The following ZNF578 variants were observed in gnomAD, a reference collection of about 807,000 sequenced individuals.
The protein encoded by ZNF578 is Putative chemokine-related protein B42.
Under a neutral mutation model 8.3 loss-of-function variants are expected in ZNF578, and 8 were observed. The ratio of observed to expected loss-of-function variants is 0.96; its 90% CI spans 0.56 to 1.74. The LOEUF is 1.74. ZNF578 is among the 40% of genes most tolerant of loss of function. The pLI is 0.00. For synonymous variants in ZNF578, 206 were observed against 232.2 expected (o/e 0.89, Z 1.03); for missense variants, 726 against 707.5 (o/e 1.03, Z -0.30).
intron 3 of ZNF578, among the ~76,000 whole-genome samples, chr19:52,496,485 G>A (rs992059973): frequency 4.6e-4 from 66 of 143,804 alleles, no homozygotes; most frequent in Non-Finnish European, 7.6e-4. Context: ...GCCCGCCACC[G>A]CGCCCAGCTA....
chr19:52,462,295 C>A (rs1266581140), intron 2 of ZNF578, among the ~76,000 whole-genome samples: 2 of 152,136 alleles, frequency 1.3e-5, no homozygotes, highest in Non-Finnish European at 2.9e-5. Flanking sequence ...TTGTTGATAG[C>A]CTTTTAGGCA....
chr19:52,479,136 C>A (rs999194257), intron 2 of ZNF578, among the ~76,000 whole-genome samples: 1 of 152,160 alleles, frequency 6.6e-6, no homozygotes, highest in Non-Finnish European at 1.5e-5. Flanking sequence ...TAATGTCTGA[C>A]AACTAACCTG....
intron 2 of ZNF578, among the ~76,000 whole-genome samples, chr19:52,489,377 G>A (rs559948416): frequency 2.2e-4 from 33 of 152,148 alleles, no homozygotes; most frequent in South Asian, 2.1e-3. Flanking sequence ...ATCACCTGAC[G>A]TCGGGGGTTG....
intron 2 of ZNF578, among the ~76,000 whole-genome samples, chr19:52,489,433 A>G (rs1461691052): frequency 6.6e-6 from 1 of 150,720 alleles, no homozygotes; most frequent in Non-Finnish European, 1.5e-5. Flanking sequence ...CTATAAAACT[A>G]CAAAATTAGC....
chr19:52,460,565 T>C (rs1007695396), intron 2 of ZNF578, among the ~76,000 whole-genome samples: 6 of 152,222 alleles, frequency 3.9e-5, no homozygotes, highest in Non-Finnish European at 8.8e-5. Context: ...GATATGTGAT[T>C]TGCAACTCTT....
At chr19:52,507,258 T>C (rs1384999494) in intron 5 of ZNF578, among the ~76,000 whole-genome samples, 1 of 152,150 alleles carries the variant, frequency 6.6e-6, no homozygotes, top group African/African-American at 2.4e-5. Context: ...CATGTTGGTA[T>C]GCACCTGTAA....
At chr19:52,503,464 A>G (rs10418653) in intron 4 of ZNF578, among the ~76,000 whole-genome samples, 28,996 of 151,764 alleles carry the variant, frequency 0.19, 2,970 homozygotes, top group Non-Finnish European at 0.23. Context: ...TTTTGCCTCA[A>G]CCTCTGGAGT....
intron 2 of ZNF578, among the ~76,000 whole-genome samples, chr19:52,466,619 A>G (rs1486094484): frequency 1.3e-5 from 2 of 152,244 alleles, no homozygotes; most frequent in Non-Finnish European, 2.9e-5. Flanking sequence ...GCTGAAATGG[A>G]CACAAACAAA....
chr19:52,491,840 A>G (rs982365308), intron 3 of ZNF578, among the ~76,000 whole-genome samples: 1 of 152,152 alleles, frequency 6.6e-6, no homozygotes, highest in African/African-American at 2.4e-5. Context: ...TACACCATGA[A>G]AAATTTTATT....
intron 3 of ZNF578, among the ~76,000 whole-genome samples, chr19:52,492,189 A>G (rs956532258): frequency 1.7e-5 from 2 of 121,022 alleles, no homozygotes; most frequent in Non-Finnish European, 3.5e-5. Flanking sequence ...AAAAAAAAAA[A>G]AGGGAGGGAG....
At chr19:52,504,451 C>A (rs112083889) in intron 4 of ZNF578, among the ~76,000 whole-genome samples, 1 of 151,868 alleles carries the variant, frequency 6.6e-6, no homozygotes, top group East Asian at 1.9e-4. Flanking sequence ...ACTTCCATAG[C>A]GACTTATGGG....
intron 3 of ZNF578, among the ~76,000 whole-genome samples, chr19:52,500,300 C>T (rs1353003326): frequency 1.3e-5 from 2 of 151,922 alleles, no homozygotes; most frequent in Non-Finnish European, 2.9e-5. Context: ...TTGGTTTGGT[C>T]TGGGAAGGTG....
At chr19:52,491,129 A>G (rs1599901176) in intron 2 of ZNF578, among the ~76,000 whole-genome samples, 195 bp from the exon 3 acceptor site, 1 of 152,204 alleles carries the variant, frequency 6.6e-6, no homozygotes, top group African/African-American at 2.4e-5. Context: ...ACAGGCTTCC[A>G]TAGAAATGAT....
At chr19:52,507,217 A>T (rs2059428457) in intron 5 of ZNF578, among the ~76,000 whole-genome samples, 1 of 152,146 alleles carries the variant, frequency 6.6e-6, no homozygotes, top group Non-Finnish European at 1.5e-5. Context: ...GTGAAACCCC[A>T]TATCTAGTAA....
intron 2 of ZNF578, among the ~76,000 whole-genome samples, chr19:52,479,819 T>C (rs2059319860): frequency 6.6e-6 from 1 of 152,196 alleles, no homozygotes; most frequent in Non-Finnish European, 1.5e-5. Context: ...TGTGAAAATA[T>C]TTTTTCCAGA....
rs762441015 is a variant in ZNF578 at position 52,512,147 on chromosome 19, C to T, written c.1766C>T (p.Ser589Leu). ...GATTCATCAATCAAGCCTTGCATGT[C>T]ATCATAGACTTCATACTGGAGAGAA... ...LIDSSIKPCM[S>L]S Residue 589 changes from serine (S) to leucine (L), a missense_variant, in exon 6 of 6, where the codon TCA becomes TTA. By Grantham distance (145) the Ser-to-Leu change is moderately radical. Transcript: ENST00000421239. 6.2e-7 allele frequency: 1 copy of T among 1,613,780 alleles called. No individual in the cohort carries two copies. Among genetic ancestry groups the T allele is most frequent in the Non-Finnish European group, 8.5e-7 (1 of 1,179,862 alleles).
intron 2 of ZNF578, chr19:52,474,956 G>T: frequency 5.1e-6 from 1 of 197,450 alleles, no homozygotes. Context: ...TAAAGACTTT[G>T]CCACATTCCA....
chr19:52,494,497 A>C (rs977229779), intron 3 of ZNF578, among the ~76,000 whole-genome samples: 1 of 152,230 alleles, frequency 6.6e-6, no homozygotes, highest in East Asian at 1.9e-4. Flanking sequence ...ACCCTGTCTT[A>C]AAAGAAAAAA....
chr19:52,492,071 T>G (rs994477863), intron 3 of ZNF578, among the ~76,000 whole-genome samples: 1 of 140,736 alleles, frequency 7.1e-6, no homozygotes, highest in Non-Finnish European at 1.5e-5. Context: ...GGCAGGAGAA[T>G]GGCGTGAACC....
Sources: gnomAD v4.1 joint callset for allele counts (sites outside exome capture counted in the v4.1 genomes callset) on GRCh38, gnomAD v4.1.1 for gene constraint, MANE v1.5 for transcripts, NCBI Gene and HGNC (gene_info 2026-07-23, HGNC 2026-07-21) for gene names.